The following LRRN1 variants were observed in gnomAD, a reference collection of about 807,000 sequenced individuals.
LRRN1 encodes leucine rich repeat neuronal 1, also known as leucine-rich repeat neuronal protein 1.
LRRN1 carries 14 observed loss-of-function variants against 45.8 expected under a neutral mutation model. That is an observed-to-expected ratio of 0.31 (90% confidence interval 0.20 to 0.48). The LOEUF (loss-of-function observed/expected upper bound fraction) is 0.48, where lower values mean the gene tolerates loss of function less well. LRRN1 is among the 20% of genes least tolerant of loss of function. The probability of loss-of-function intolerance (pLI) is 0.99; values close to 1 mark genes in which losing one functional copy is unlikely to be tolerated. For missense variants in LRRN1, 789 were observed against 874.2 expected (o/e 0.90, Z 1.23); for synonymous variants, 359 against 330.1 (o/e 1.09, Z -0.95).
chr3:3,846,988 G>A lies in LRRN1; in HGVS notation c.*196G>A, dbSNP rs1233161093. ...TTGACACGGCTGCCAGCGACTCTAG[G>A]CTTCCAGTCTGTGTTTGGTTTTTAT... On this transcript the variant is annotated 3_prime_UTR_variant, in exon 2 of 2. Coordinates refer to ENST00000319331, the MANE Select transcript of LRRN1 (RefSeq NM_020873.7). This position sits in a 1 kb window ranked among gnomAD's most constrained non-coding sequence, Gnocchi z 5.7. 2.2e-5 allele frequency: 10 copies of A among 463,532 alleles called. No homozygotes were observed. The highest frequency in any genetic ancestry group is 3.5e-5 in the Non-Finnish European group (9 of 256,188). 28.7% of individuals were successfully genotyped at this position (463,532 alleles called of 1,614,324 possible). A position where few individuals can be genotyped will look rare whatever the true frequency, so the allele number is the denominator to read the frequency against.
chr3:3,811,063 G>A (rs711581), intron 1 of LRRN1, among the ~76,000 whole-genome samples: 95,699 of 151,952 alleles, frequency 0.63, 32,097 homozygotes, highest in Non-Finnish European at 0.76. Context: ...CCACACAGCT[G>A]GTCACCTGGC....
intron 1 of LRRN1, among the ~76,000 whole-genome samples, chr3:3,812,226 C>T (rs984041847): frequency 1.3e-5 from 2 of 152,134 alleles, no homozygotes; most frequent in Middle Eastern, 3.2e-3. Flanking sequence ...AGCAATAATC[C>T]AATTATCACA....
rs1308804463 is a variant in LRRN1 at position 3,845,720 on chromosome 3, T to A, written c.1079T>A (p.Leu360His). The part of the protein sequence containing the change: ...NAIYQKTVES[L>H]PNLREISIHS... ...ATTTACCAAAAGACAGTCGAATCCCTCCCCAATCTGCGTGAGATCAGTATC... is the reference window on the plus strand; with the variant it reads ...ATTTACCAAAAGACAGTCGAATCCCACCCCAATCTGCGTGAGATCAGTATC... Residue 360 changes from leucine to histidine, a missense_variant, in exon 2 of 2, where the codon CTC becomes CAC. By Grantham distance (99) the Leu-to-His change is moderately conservative. Transcript: ENST00000319331. This position sits in a 1 kb window ranked among gnomAD's most constrained non-coding sequence, Gnocchi z 6.5. The A allele has an allele frequency of 6.2e-7, 1 of 1,613,904 alleles. No homozygotes were observed. Among genetic ancestry groups the A allele is most frequent in the Admixed American group, 1.7e-5 (1 of 59,998 alleles).
At chr3:3,808,062 AC>A (rs1314043907) in intron 1 of LRRN1, among the ~76,000 whole-genome samples, 1 of 152,178 alleles carries the variant, frequency 6.6e-6, no homozygotes, top group African/African-American at 2.4e-5. Context: ...ATTCATTCAC[AC>A]TGTCAAATTG....
intron 1 of LRRN1, among the ~76,000 whole-genome samples, chr3:3,813,128 C>T (rs1424390805): frequency 1.3e-5 from 2 of 152,162 alleles, no homozygotes; most frequent in Non-Finnish European, 2.9e-5. Context: ...CGTTCATGAA[C>T]TCATTGTGTA....
rs769197597 is a variant in LRRN1, at chr3:3,846,784, A to G, written c.2143A>G (p.Met715Val). The G allele has an allele frequency of 1.0e-5, 16 of 1,601,238 alleles. No homozygotes were observed. Among genetic ancestry groups the G allele is most frequent in the Non-Finnish European group, 1.4e-5 (16 of 1,175,700 alleles). Residue 715 changes from methionine to valine, a missense_variant, in exon 2 of 2, where the codon ATG becomes GTG. Physicochemically the swap from Met to Val is conservative, Grantham distance 21. Coordinates refer to ENST00000319331, the MANE Select transcript of LRRN1 (RefSeq NM_020873.7). This position sits in a 1 kb window ranked among gnomAD's most constrained non-coding sequence, Gnocchi z 5.7. ...TQVDTSRSYY[M>V]W The stretch of plus-strand genomic sequence containing the variant: ...GGTCGACACATCCAGAAGCTATTAC[A>G]TGTGGTAACTCAGAGGATATTTTGC...
At chr3:3,820,287 T>A (rs2106457948) in intron 1 of LRRN1, among the ~76,000 whole-genome samples, 1 of 152,324 alleles carries the variant, frequency 6.6e-6, no homozygotes, top group East Asian at 1.9e-4. Flanking sequence ...TATTTGTGCA[T>A]TCAACAGTCA....
In LRRN1 at chr3:3,849,495, A is replaced by T. The variant is rs1414174374; in HGVS notation, c.*2703A>T. Among the ~76,000 whole-genome samples the T allele has an allele frequency of 6.6e-6, 1 of 152,222 alleles. No individual in the cohort carries two copies. Among genetic ancestry groups the T allele is most frequent in the Non-Finnish European group, 1.5e-5 (1 of 68,036 alleles). On this transcript the variant is annotated 3_prime_UTR_variant, in exon 2 of 2. Transcript: ENST00000319331. The stretch of plus-strand genomic sequence containing the variant: ...ATTTCATAAATTAGACAGCCAGTGA[A>T]ATTAGACCTCAAACTAGGTCCTGAT...
intron 1 of LRRN1, among the ~76,000 whole-genome samples, chr3:3,823,091 T>C (rs1431760744): frequency 2.6e-5 from 4 of 152,134 alleles, no homozygotes; most frequent in Admixed American, 6.6e-5. Context: ...TTCACTGTGA[T>C]TGGAGGGGCT....
chr3:3,842,052 A>G (rs965081829), intron 1 of LRRN1, among the ~76,000 whole-genome samples: 2 of 152,176 alleles, frequency 1.3e-5, no homozygotes, highest in Admixed American at 6.5e-5. Context: ...TATTGCTCCT[A>G]GGCTGCAAAC....
In LRRN1 at chr3:3,814,640, G is replaced by C. The variant is rs1692951799; in HGVS notation, c.-279+14721G>C. On this transcript the variant is annotated intron_variant, in intron 1 of 1. Transcript: ENST00000319331. ...TAATCAGGGCTCTGCCCTCATGAAT[G>C]GACTAATGCTCTTATAAAAGAGATT... Among the ~76,000 whole-genome samples the C allele has an allele frequency of 3.9e-5, 6 of 152,248 alleles. No homozygotes were observed. The South Asian group carries it at 1.0e-3, about 26-fold the overall frequency.
At chr3:3,805,927 G>A (rs1692741889) in intron 1 of LRRN1, among the ~76,000 whole-genome samples, 2 of 152,174 alleles carry the variant, frequency 1.3e-5, no homozygotes, top group Non-Finnish European at 2.9e-5. Flanking sequence ...GTACATTGGA[G>A]CATTTTGTTT....
intron 1 of LRRN1, among the ~76,000 whole-genome samples, chr3:3,818,302 A>T (rs1693027155): frequency 6.6e-6 from 1 of 151,850 alleles, no homozygotes; most frequent in Admixed American, 6.5e-5. Context: ...AGAGAATTAA[A>T]ATAATCTGTA....
Position 3,844,763 on chromosome 3 carries a change from G to T in LRRN1, c.122G>T (p.Arg41Leu), listed in dbSNP as rs964412635. ...CCACAACTTTGCGTATGTGAAATTCGTCCCTGGTTTACCCCACAGTCAACT... is the reference window on the plus strand; with the variant it reads ...CCACAACTTTGCGTATGTGAAATTCTTCCCTGGTTTACCCCACAGTCAACT... The part of the protein sequence containing the change: ...ECPQLCVCEI[R>L]PWFTPQSTYR... The change falls in exon 2 of 2, where the codon CGT becomes CTT. Residue 41 changes from arginine to leucine, a missense_variant. Transcript: ENST00000319331. 4 of 1,613,884 alleles carry T rather than the reference G, an allele frequency of 2.5e-6. No homozygotes were observed. The highest frequency in any genetic ancestry group is 3.4e-6 in the Non-Finnish European group (4 of 1,179,992).
At chr3:3,831,099 T>C (rs1174177453) in intron 1 of LRRN1, among the ~76,000 whole-genome samples, 1 of 152,176 alleles carries the variant, frequency 6.6e-6, no homozygotes, top group East Asian at 1.9e-4. Context: ...CCAGGGCTTG[T>C]TGTAGAGCCT....
Position 3,845,672 on chromosome 3 carries a change from T to C in LRRN1, c.1031T>C (p.Leu344Pro). The change falls in exon 2 of 2, where the codon CTG becomes CCG. Residue 344 changes from leucine to proline, a missense_variant. Transcript: ENST00000319331. This position sits in a 1 kb window ranked among gnomAD's most constrained non-coding sequence, Gnocchi z 6.5. ...GTCCCTGCTCTGGAAAGCTTGATGC[T>C]GAACAACAATGCCTTGAATGCCATT... ...RSVPALESLM[L>P]NNNALNAIYQ... 1 of 1,614,072 alleles carries C rather than the reference T, an allele frequency of 6.2e-7. No homozygotes were observed. Among genetic ancestry groups the C allele is most frequent in the Admixed American group, 1.7e-5 (1 of 60,016 alleles).
At chr3:3,838,031 C>T (rs1693563236) in intron 1 of LRRN1, among the ~76,000 whole-genome samples, 1 of 152,082 alleles carries the variant, frequency 6.6e-6, no homozygotes, top group Admixed American at 6.5e-5. Flanking sequence ...TAATGGCTGC[C>T]AGCTTCATCC....
At chr3:3,840,845 A>T (rs2106469529) in intron 1 of LRRN1, among the ~76,000 whole-genome samples, 1 of 152,320 alleles carries the variant, frequency 6.6e-6, no homozygotes, top group East Asian at 1.9e-4. Flanking sequence ...CTCAAATCAT[A>T]TAATTTAAAC....
intron 1 of LRRN1, among the ~76,000 whole-genome samples, chr3:3,829,119 C>T (rs1278848353): frequency 6.6e-6 from 1 of 151,488 alleles, no homozygotes; most frequent in Non-Finnish European, 1.5e-5. Flanking sequence ...CATTGTAATA[C>T]TAAGAGATAT....
Sources: gnomAD v4.1 joint callset for allele counts (sites outside exome capture counted in the v4.1 genomes callset) on GRCh38, gnomAD v4.1.1 for gene constraint, Gnocchi (gnomAD v3.1) non-coding constraint, MANE v1.5 for transcripts, NCBI Gene and HGNC (gene_info 2026-07-23, HGNC 2026-07-21) for gene names.